RB1CC1: variants seen among roughly 807,000 people sequenced by gnomAD.
RB1CC1 encodes RB1 inducible coiled-coil 1.
A neutral mutation model predicts 177.5 loss-of-function variants in RB1CC1; 46 were observed. That is an observed-to-expected ratio of 0.26 (90% CI 0.20 to 0.33). The LOEUF (loss-of-function observed/expected upper bound fraction) is 0.33. RB1CC1 is among the 10% of genes least tolerant of loss of function. RB1CC1 has a pLI of 1.00. For synonymous variants in RB1CC1, 666 were observed against 613.6 expected, an observed-to-expected ratio of 1.09 and a Z score of -1.26; for missense variants, 1,703 against 1,816.3, an observed-to-expected ratio of 0.94 and a Z score of 1.13.
At chr8:52,633,010 G>A (rs942407877) in intron 20 of RB1CC1, among the ~76,000 whole-genome samples, 3 of 152,188 alleles carry the variant, frequency 2.0e-5, no homozygotes, top group African/African-American at 7.2e-5. Flanking sequence ...GCTAATCACA[G>A]TTTCAAAATA....
chr8:52,674,110 A>G lies in RB1CC1; in HGVS notation c.737T>C (p.Met246Thr), dbSNP rs768671411. 10 of 1,614,062 alleles carry G rather than the reference A, an allele frequency of 6.2e-6. No individual in the cohort carries two copies. The highest frequency in any genetic ancestry group is 4.0e-5 in the African/African-American group (3 of 74,936). ...CAAAGATTCGTTAGTTGTTCTAGGC[A>G]TATCAGGAGAGAGCACCAGTTCAGT... Reference protein sequence around the residue: ...RSTELVLSPDMPRTTNESLLT... With the variant: ...RSTELVLSPDTPRTTNESLLT... The change falls in exon 7 of 24, where the codon ATG (methionine) becomes ACG (threonine). Residue 246 changes from methionine to threonine, a missense_variant. Physicochemically the swap from Met to Thr is moderately conservative, Grantham distance 81. Transcript: ENST00000025008.
intron 15 of RB1CC1, 67 bp from the exon 16 acceptor site, chr8:52,645,934 T>C: frequency 2.8e-6 from 4 of 1,442,142 alleles, no homozygotes; most frequent in South Asian, 1.3e-5. Context: ...CCAAATATCA[T>C]ATTTGGGAAA....
intron 15 of RB1CC1, among the ~76,000 whole-genome samples, chr8:52,647,027 G>T (rs1474838453): frequency 1.3e-5 from 2 of 152,068 alleles, no homozygotes; most frequent in African/African-American, 4.8e-5. Flanking sequence ...ATCAGGGTGT[G>T]TTCTGCAATT....
intron 18 of RB1CC1, among the ~76,000 whole-genome samples, chr8:52,637,060 C>T (rs191359904): frequency 1.3e-5 from 2 of 152,242 alleles, no homozygotes; most frequent in Admixed American, 6.5e-5. Flanking sequence ...TATTTTGGGA[C>T]TCTTGCAATT....
At position 52,656,408 on chromosome 8, in the gene RB1CC1, T is replaced by C; in HGVS notation, c.3421A>G (p.Ile1141Val). Reference sequence around the variant, plus strand: ...TTAGATTCTTCTTCATGTCTACTAATTAACTCGGAAATACACTGATCTTTT... The same window carrying C: ...TTAGATTCTTCTTCATGTCTACTAACTAACTCGGAAATACACTGATCTTTT... ...IEKDQCISEL[I>V]SRHEEESNIL... The change falls in exon 15 of 24, where the codon ATT (isoleucine) becomes GTT (valine). Residue 1141 changes from isoleucine to valine, a missense_variant. Around this residue, in one of 6 missense-constraint regions of RB1CC1, gnomAD observed 1,169 missense variants for 1,184.7 expected, o/e 0.99. Coordinates refer to ENST00000025008, the MANE Select transcript of RB1CC1 (RefSeq NM_014781.5). The C allele has an allele frequency of 6.2e-7, 1 of 1,611,424 alleles. No individual in the cohort carries two copies. The highest frequency in any genetic ancestry group is 8.5e-7 in the Non-Finnish European group (1 of 1,179,530).
intron 1 of RB1CC1, among the ~76,000 whole-genome samples, chr8:52,697,841 A>T (rs1319748499): frequency 2.0e-5 from 3 of 152,228 alleles, no homozygotes; most frequent in Non-Finnish European, 4.4e-5. Context: ...ATGTTTCTGG[A>T]AAGCAACTGG....
chr8:52,698,085 C>A (rs1028762408), intron 1 of RB1CC1, among the ~76,000 whole-genome samples: 1 of 151,988 alleles, frequency 6.6e-6, no homozygotes, highest in African/African-American at 2.4e-5. Flanking sequence ...TTTATTTATA[C>A]ATTTTTTAAG....
At chr8:52,628,673 T>G (rs1848554255) in intron 21 of RB1CC1, among the ~76,000 whole-genome samples, 2 of 152,304 alleles carry the variant, frequency 1.3e-5, no homozygotes, top group South Asian at 4.1e-4. Context: ...CAGATATTAC[T>G]ATTTTGGGGT....
At chr8:52,655,950 A>G in intron 15 of RB1CC1, 58 bp downstream of exon 15, 1 of 1,321,054 alleles carries the variant, frequency 7.6e-7, no homozygotes, top group Non-Finnish European at 1.0e-6. Flanking sequence ...CTGTGATTAC[A>G]CACAAACGAA....
chr8:52,660,841 T>C lies in RB1CC1; in HGVS notation c.1627+85A>G, dbSNP rs946816779. ...GATATCAATGGCAATTAACAGCATATACATGAAGTATGCTACAGAAAATCC... is the reference window on the plus strand; with the variant it reads ...GATATCAATGGCAATTAACAGCATACACATGAAGTATGCTACAGAAAATCC... On this transcript the variant is annotated intron_variant, in intron 11 of 23. Transcript: ENST00000025008. The C allele has an allele frequency of 4.1e-6, 5 of 1,207,904 alleles. No homozygotes were observed. The African/African-American group carries it at 4.6e-5, about 11-fold the overall frequency. 74.8% of individuals were successfully genotyped at this position (1,207,904 alleles called of 1,614,324 possible).
At chr8:52,681,117 G>C (rs185290912) in intron 5 of RB1CC1, among the ~76,000 whole-genome samples, 64 of 151,292 alleles carry the variant, frequency 4.2e-4, no homozygotes, top group African/African-American at 1.5e-3. Flanking sequence ...TCAGCCTCCC[G>C]AGCAGCTGGG....
chr8:52,670,223 G>A (rs540169756), intron 7 of RB1CC1, among the ~76,000 whole-genome samples: 4 of 152,276 alleles, frequency 2.6e-5, no homozygotes, highest in South Asian at 2.1e-4. Flanking sequence ...ATGAGTCACC[G>A]TGCCCAGCTG....
intron 23 of RB1CC1, among the ~76,000 whole-genome samples, chr8:52,624,073 C>T (rs904446418): frequency 4.0e-5 from 6 of 151,788 alleles, no homozygotes; most frequent in Non-Finnish European, 7.4e-5. Context: ...CTACCCCTCA[C>T]GAACAGGGAA....
intron 22 of RB1CC1, among the ~76,000 whole-genome samples, chr8:52,625,283 C>G (rs1229133494): frequency 6.6e-6 from 1 of 152,088 alleles, no homozygotes; most frequent in East Asian, 1.9e-4. Flanking sequence ...GTGCTTGGCA[C>G]AGCAGTGTGT....
chr8:52,699,657 A>AG (rs1855815580), intron 1 of RB1CC1, among the ~76,000 whole-genome samples: 2 of 149,132 alleles, frequency 1.3e-5, no homozygotes, highest in South Asian at 4.2e-4. Flanking sequence ...GAAAAAAAAA[A>AG]AAAAATACAA....
intron 9 of RB1CC1, 87 bp downstream of exon 9, chr8:52,661,448 T>C (rs1226141844): frequency 6.8e-7 from 1 of 1,461,438 alleles, no homozygotes; most frequent in Non-Finnish European, 9.2e-7. Flanking sequence ...AATAAAATGG[T>C]AGGGAAAAAT....
rs1290177206 is a variant in RB1CC1, at chr8:52,668,179, T to A, written c.1015A>T (p.Ile339Phe). ...CATTCTGCTATAAATGGTCGAATAA[T>A]CCTTGGATCAAGCTAAATGACAAGG... ...FDSMSRLDPR[I>F]IRPFIAECRQ... Residue 339 changes from isoleucine (I) to phenylalanine (F), a missense_variant, in exon 8 of 24, where the codon ATT becomes TTT. Transcript: ENST00000025008. 1.2e-6 allele frequency: 2 copies of A among 1,613,466 alleles called. No individual in the cohort carries two copies. Among genetic ancestry groups the A allele is most frequent in the Non-Finnish European group, 1.7e-6 (2 of 1,179,864 alleles).
intron 1 of RB1CC1, among the ~76,000 whole-genome samples, chr8:52,700,572 G>A (rs1320189509): frequency 2.0e-5 from 3 of 151,994 alleles, no homozygotes; most frequent in Non-Finnish European, 2.9e-5. Context: ...TCAGCAACAT[G>A]TTCTTAATTA....
At chr8:52,692,502 T>C (rs966366722) in intron 1 of RB1CC1, among the ~76,000 whole-genome samples, 23 of 152,160 alleles carry the variant, frequency 1.5e-4, no homozygotes, top group African/African-American at 5.6e-4. Context: ...ACAAATCCTA[T>C]AGTGAGAGAG....
Sources: allele counts gnomAD v4.1 joint callset (sites outside exome capture counted in the v4.1 genomes callset), GRCh38; gene constraint gnomAD v4.1.1; regional missense constraint gnomAD v4.1.1; transcripts MANE v1.5; gene names NCBI Gene and HGNC (gene_info 2026-07-23, HGNC 2026-07-21).